NEK5: variants seen among roughly 807,000 people sequenced by gnomAD.
NEK5 encodes the protein serine/threonine-protein kinase Nek5.
In NEK5, 88 loss-of-function variants were observed where a neutral mutation model predicts 109.2. The observed-to-expected ratio is 0.81, with a 90% CI of 0.68 to 0.96. NEK5 has a LOEUF of 0.96. Among genes scored for constraint, NEK5 ranks in the 40% least tolerant of loss-of-function variants. The pLI, the probability that NEK5 is intolerant of heterozygous loss-of-function variation, is 0.00. For synonymous variants in NEK5, 283 were observed against 299.9 expected, an observed-to-expected ratio of 0.94 and a Z score of 0.58; for missense variants, 834 against 920.7, an observed-to-expected ratio of 0.91 and a Z score of 1.22.
At chr13:52,046,832 A>G (rs1410070049) in intron 23 of NEK5, among the ~76,000 whole-genome samples, 1 of 150,202 alleles carries the variant, frequency 6.7e-6, no homozygotes, top group African/African-American at 2.5e-5. Context: ...AATAAAAGGC[A>G]AAAACCAAGG....
intron 13 of NEK5, among the ~76,000 whole-genome samples, chr13:52,092,699 A>G (rs984669933): frequency 7.2e-5 from 11 of 152,186 alleles, no homozygotes; most frequent in African/African-American, 2.7e-4. Context: ...CAGGTTGGCC[A>G]ACATGGTGAA....
chr13:52,084,813 GTGTTT>G (rs1955105353), intron 16 of NEK5, among the ~76,000 whole-genome samples: 1 of 121,006 alleles, frequency 8.3e-6, no homozygotes, highest in Non-Finnish European at 1.8e-5. Context: ...GTGTGTGTGT[GTGTTT>G]AGAGCTAGGG....
intron 8 of NEK5, among the ~76,000 whole-genome samples, chr13:52,105,171 G>C (rs1447697413): frequency 6.6e-6 from 1 of 151,958 alleles, no homozygotes; most frequent in Admixed American, 6.6e-5. Flanking sequence ...AGGAGTCAAA[G>C]CAAGAAGGAA....
At chr13:52,053,560 T>G (rs1195797677) in intron 22 of NEK5, among the ~76,000 whole-genome samples, 1 of 152,054 alleles carries the variant, frequency 6.6e-6, no homozygotes, top group Non-Finnish European at 1.5e-5. Flanking sequence ...TTATGTTTGC[T>G]TAGAAGTTCC....
chr13:52,070,616 A>G (rs1025366611), intron 20 of NEK5, among the ~76,000 whole-genome samples: 2 of 152,182 alleles, frequency 1.3e-5, no homozygotes, highest in Non-Finnish European at 2.9e-5. Flanking sequence ...GCCTTCCACC[A>G]TGATTGTGAG....
At chr13:52,122,615 A>C (rs1347490612) in intron 3 of NEK5, among the ~76,000 whole-genome samples, 1 of 152,104 alleles carries the variant, frequency 6.6e-6, no homozygotes, top group Non-Finnish European at 1.5e-5. Flanking sequence ...AAAAATACAA[A>C]AATTAGCCAG....
At chr13:52,063,543 G>C (rs1280177679) in intron 21 of NEK5, among the ~76,000 whole-genome samples, 1 of 145,404 alleles carries the variant, frequency 6.9e-6, no homozygotes, top group African/African-American at 2.6e-5. Context: ...CATCGTCTGG[G>C]ACGTGAGGAG....
chr13:52,112,427 G>T, intron 4 of NEK5, 62 bp from the exon 5 acceptor site: 1 of 1,107,384 alleles, frequency 9.0e-7, no homozygotes, highest in Non-Finnish European at 1.4e-6. Context: ...CCATGTTCTG[G>T]CTGTGGAATC....
intron 13 of NEK5, among the ~76,000 whole-genome samples, chr13:52,092,269 ATACAT>A (rs1332330837): frequency 2.6e-5 from 4 of 152,226 alleles, no homozygotes; most frequent in Non-Finnish European, 5.9e-5. Context: ...AAATTATAAT[ATACAT>A]TACATCATAA....
At chr13:52,048,891 A>C (rs1300403915) in intron 23 of NEK5, among the ~76,000 whole-genome samples, 1 of 152,188 alleles carries the variant, frequency 6.6e-6, no homozygotes, top group Non-Finnish European at 1.5e-5. Context: ...AGACAGGTGG[A>C]ATAATTTCAG....
intron 17 of NEK5, among the ~76,000 whole-genome samples, chr13:52,076,539 A>G (rs9535854): frequency 0.036 from 5,522 of 152,310 alleles, 137 homozygotes; most frequent in South Asian, 0.09. Flanking sequence ...TTCAAGTAGG[A>G]AGAGAAGAAA....
chr13:52,068,523 A>G (rs1040021725), intron 20 of NEK5, among the ~76,000 whole-genome samples: 6 of 152,108 alleles, frequency 3.9e-5, no homozygotes, highest in African/African-American at 1.4e-4. Flanking sequence ...TTATTACTAT[A>G]AATGAGATCT....
rs902691780 is a variant in NEK5, at chr13:52,037,088, C to G, written c.2359G>C (p.Glu787Gln). 6.1e-6 allele frequency: 6 copies of G among 985,242 alleles called. No individual in the cohort carries two copies. Among genetic ancestry groups the G allele is most frequent in the Non-Finnish European group, 7.2e-6 (6 of 829,902 alleles). The allele number at this position is 985,242 out of a possible 1,614,324, so 61.0% of individuals were successfully genotyped here. A position where few individuals can be genotyped will look rare whatever the true frequency, so the allele number is the denominator to read the frequency against. Residue 787 changes from glutamate to glutamine, a missense_variant, in exon 24 of 24, where the codon GAA (glutamate) becomes CAA (glutamine). Glu to Gln is a conservative substitution (Grantham distance 29). Around this residue, in one of 2 missense-constraint regions of NEK5, gnomAD observed 57 missense variants for 96.0 expected, o/e 0.59. Coordinates refer to ENST00000684899, the MANE Select transcript of NEK5 (RefSeq NM_001365552.1). Reference protein sequence around the residue: ...STSKDSRKSREREGISMQKSE... With the variant: ...STSKDSRKSRQREGISMQKSE... Reference sequence around the variant, plus strand: ...TTCTGCATACTTATCCCCTCTCTTTCTCTTGACTTTCTAGAGTCCTTAGAG... The same window carrying G: ...TTCTGCATACTTATCCCCTCTCTTTGTCTTGACTTTCTAGAGTCCTTAGAG...
chr13:52,044,805 T>C (rs902758491), intron 23 of NEK5, among the ~76,000 whole-genome samples: 1 of 152,094 alleles, frequency 6.6e-6, no homozygotes, highest in African/African-American at 2.4e-5. Context: ...CATAACCAGG[T>C]TGGAATGAAA....
chr13:52,051,581 TG>T (rs1367484154), intron 22 of NEK5, among the ~76,000 whole-genome samples: 1 of 152,172 alleles, frequency 6.6e-6, no homozygotes, highest in Non-Finnish European at 1.5e-5. Flanking sequence ...GAGAGAGAAC[TG>T]ATTTTTGTGT....
In NEK5 at chr13:52,034,628, G is replaced by A. The variant is rs918020122; in HGVS notation, c.*2320C>T. ...CTCAACCTCCCAGGCTGAAACTAAAGTGATCCTCCCGCCTCAGCCTCCTGA... is the reference window on the plus strand; with the variant it reads ...CTCAACCTCCCAGGCTGAAACTAAAATGATCCTCCCGCCTCAGCCTCCTGA... On this transcript the variant is annotated 3_prime_UTR_variant, in exon 24 of 24. Coordinates refer to ENST00000684899, the MANE Select transcript of NEK5 (RefSeq NM_001365552.1). The A allele has an allele frequency of 6.2e-5, 9 of 144,696 alleles. No individual in the cohort carries two copies. Among genetic ancestry groups the A allele is most frequent in the Admixed American group, 5.7e-4 (8 of 13,962 alleles). The allele number at this position is 144,696 out of a possible 1,614,324, so 9.0% of individuals were successfully genotyped here. A position where few individuals can be genotyped will look rare whatever the true frequency, so the allele number is the denominator to read the frequency against.
intron 17 of NEK5, among the ~76,000 whole-genome samples, chr13:52,079,844 T>A (rs1004008239): frequency 3.3e-5 from 5 of 150,462 alleles, no homozygotes; most frequent in Non-Finnish European, 7.4e-5. Flanking sequence ...CCATCCCATC[T>A]AGGAAGTGAG....
At position 52,112,278 on chromosome 13, in the gene NEK5, C is replaced by T. The variant is rs759347642; in HGVS notation, c.302G>A (p.Ser101Asn). The T allele has an allele frequency of 6.2e-7, 1 of 1,603,210 alleles. No homozygotes were observed. Residue 101 changes from serine (S) to asparagine (N), a missense_variant, in exon 5 of 24, where the codon AGT (serine) becomes AAT (asparagine). Ser to Asn is a conservative substitution (Grantham distance 46). Coordinates refer to ENST00000684899, the MANE Select transcript of NEK5 (RefSeq NM_001365552.1). The part of the protein sequence containing the change: ...RINRQRGVLF[S>N]EDQILGWFVQ... Reference sequence around the variant, plus strand: ...ATTAGAAGTTTTTACCTGATCTTCACTAAATAACACACCCCGTTGTCTATT... The same window carrying T: ...ATTAGAAGTTTTTACCTGATCTTCATTAAATAACACACCCCGTTGTCTATT...
intron 21 of NEK5, among the ~76,000 whole-genome samples, chr13:52,063,999 G>T (rs1482927177): frequency 3.2e-5 from 1 of 30,920 alleles, no homozygotes; most frequent in African/African-American, 5.1e-5. Context: ...AGGGAGGTGG[G>T]GGGGGGGGTC....
Sources: gnomAD v4.1 joint callset for allele counts (sites outside exome capture counted in the v4.1 genomes callset) on GRCh38, gnomAD v4.1.1 for gene constraint, gnomAD v4.1.1 regional missense constraint, MANE v1.5 for transcripts, NCBI Gene and HGNC (gene_info 2026-07-23, HGNC 2026-07-21) for gene names.